Variants in POLA2 observed in about 807,000 individuals in gnomAD.
POLA2 encodes DNA polymerase alpha subunit B.
In POLA2, 47 loss-of-function variants were observed where a neutral mutation model predicts 82.8. The ratio of observed to expected loss-of-function variants is 0.57; its 90% CI spans 0.45 to 0.72. The LOEUF (loss-of-function observed/expected upper bound fraction) is 0.72. Among genes scored for constraint, POLA2 ranks in the 30% least tolerant of loss-of-function variants. The pLI, the probability that POLA2 is intolerant of heterozygous loss-of-function variation, is 0.00. For missense variants in POLA2, 634 were observed against 728.1 expected (o/e 0.87, Z 1.49); for synonymous variants, 287 against 286.8 (o/e 1.00, Z -0.01).
chr11:65,291,404 AC>A (rs1565489900), intron 13 of POLA2, among the ~76,000 whole-genome samples: 1 of 152,080 alleles, frequency 6.6e-6, no homozygotes, highest in Non-Finnish European at 1.5e-5. Flanking sequence ...CCCCCAACTC[AC>A]CCCAGAATCA....
chr11:65,302,105 A>C (rs899467278), downstream of POLA2, among the ~76,000 whole-genome samples: 1 of 151,930 alleles, frequency 6.6e-6, no homozygotes, highest in South Asian at 2.1e-4. Flanking sequence ...GCTGCCCATA[A>C]CCTTGCTGAC....
Position 65,274,675 on chromosome 11 carries a change from C to CA in POLA2, c.355-1203dup, listed in dbSNP as rs1205561135. Among the ~76,000 whole-genome samples, 399 of 92,276 alleles carry CA rather than the reference C, an allele frequency of 4.3e-3. 1 individual carries two copies. Among genetic ancestry groups the CA allele is most frequent in the South Asian group, 0.014 (45 of 3,122 alleles). 60.5% of individuals were successfully genotyped at this position (92,276 alleles called of 152,430 possible). On this transcript the variant is annotated intron_variant, in intron 4 of 17. Coordinates refer to ENST00000265465, the MANE Select transcript of POLA2 (RefSeq NM_002689.4). ...AGCGTGGGTGACAGTGACTCCATCT[C>CA]AAAAAAAAAAAAAAGATTAAAAATG...
intron 4 of POLA2, among the ~76,000 whole-genome samples, chr11:65,272,067 T>C (rs1301535226): frequency 6.6e-6 from 1 of 151,974 alleles, no homozygotes; most frequent in Non-Finnish European, 1.5e-5. Flanking sequence ...CCCAGCACTT[T>C]GGGAGGCCGA....
rs1949807158 is a variant in POLA2, at chr11:65,296,002, C to T, written c.1647+12C>T. The T allele has an allele frequency of 6.2e-7, 1 of 1,613,952 alleles. No homozygotes were observed. The highest frequency in any genetic ancestry group is 1.1e-5 in the South Asian group (1 of 91,086). ...GGTACTTCGTGAAGGTAGGTTTGAA[C>T]TCTGCTTTTTCCCAGAAACACCAGA... On this transcript the variant is annotated intron_variant, in intron 17 of 17. Coordinates refer to ENST00000265465, the MANE Select transcript of POLA2 (RefSeq NM_002689.4).
intron 4 of POLA2, among the ~76,000 whole-genome samples, chr11:65,271,564 G>A (rs1201214592): frequency 6.6e-6 from 1 of 152,112 alleles, no homozygotes; most frequent in Admixed American, 6.6e-5. Context: ...GTGAATCAAA[G>A]TTTGTGACTG....
chr11:65,286,764 A>G (rs1949701887), intron 10 of POLA2, among the ~76,000 whole-genome samples: 1 of 152,220 alleles, frequency 6.6e-6, no homozygotes, highest in South Asian at 2.1e-4. Flanking sequence ...ACACAACAGC[A>G]TGTTAAGAAG....
At chr11:65,265,668 C>T (rs945725299) in intron 1 of POLA2, among the ~76,000 whole-genome samples, 1 of 152,078 alleles carries the variant, frequency 6.6e-6, no homozygotes, top group Admixed American at 6.6e-5. Flanking sequence ...TTTATAGAAA[C>T]GGTTTCACCC....
rs780271773 is a variant in POLA2, at chr11:65,281,138, T to A, written c.891T>A (p.Phe297Leu). ...DLSELKEYSL[F>L]PGQVVIMEGI... ...CTGAGCTTAAGGAATATTCTCTGTT[T>A]CCTGGACAGGTGAGATTGGAGGAGT... Residue 297 changes from phenylalanine to leucine, a missense_variant, in exon 8 of 18, where the codon TTT becomes TTA. Transcript: ENST00000265465. The A allele has an allele frequency of 1.2e-6, 2 of 1,614,110 alleles. No individual in the cohort carries two copies. Among genetic ancestry groups the A allele is most frequent in the Admixed American group, 3.3e-5 (2 of 60,008 alleles).
rs373673074 is a variant in POLA2, at chr11:65,267,482, G to T, written c.210G>T (p.Leu70=). 4 of 1,604,546 alleles carry T rather than the reference G, an allele frequency of 2.5e-6. No individual in the cohort carries two copies. The African/African-American group carries it at 4.0e-5, about 16-fold the overall frequency. ...CACTATCTTTTCTTTTTCAGTTTCT[G>T]AGCAAAAGATTATCGAAAGCCAGGC... is the stretch of plus-strand genomic sequence containing the variant. ...EILNSFEHEF[L]SKRLSKARHS... The change falls in exon 3 of 18, where the codon CTG becomes CTT. Residue 70 remains leucine (L), a synonymous_variant. Transcript: ENST00000265465.
At chr11:65,291,407 C>G (rs569567443) in intron 13 of POLA2, among the ~76,000 whole-genome samples, 74 of 152,196 alleles carry the variant, frequency 4.9e-4, no homozygotes, top group Non-Finnish European at 9.0e-4. Context: ...CCAACTCACC[C>G]CAGAATCAGA....
chr11:65,267,483 A>G lies in POLA2; in HGVS notation c.211A>G (p.Ser71Gly), dbSNP rs140460455. ...ILNSFEHEFL[S>G]KRLSKARHST... The stretch of plus-strand genomic sequence containing the variant: ...ACTATCTTTTCTTTTTCAGTTTCTG[A>G]GCAAAAGATTATCGAAAGCCAGGCA... Residue 71 changes from serine to glycine, a missense_variant, in exon 3 of 18, where the codon AGC (serine) becomes GGC (glycine). Ser to Gly is a moderately conservative substitution (Grantham distance 56, BLOSUM62 0). Transcript: ENST00000265465. 9.2e-5 allele frequency: 147 copies of G among 1,605,976 alleles called. No homozygotes were observed. The African/African-American group carries it at 1.8e-3, about 19-fold the overall frequency.
rs1262103803 is a variant in POLA2 at position 65,262,337 on chromosome 11, C to T, written c.45C>T (p.Phe15=). The T allele has an allele frequency of 6.2e-7, 1 of 1,613,858 alleles. No individual in the cohort carries two copies. The highest frequency in any genetic ancestry group is 1.7e-5 in the Admixed American group (1 of 60,012). Residue 15 remains phenylalanine (F), a synonymous_variant, in exon 1 of 18, where the codon TTC becomes TTT. Transcript: ENST00000265465. ...AGCTGGCGGAGGAGCTGCAGATCTT[C>T]GGCCTAGACTGCGAGGAGGCTCTAA... The part of the protein sequence containing the change: ...AQQLAEELQI[F]GLDCEEALIE...
chr11:65,287,620 A>T, intron 10 of POLA2, 96 bp from the exon 11 acceptor site: 1 of 1,123,166 alleles, frequency 8.9e-7, no homozygotes, highest in Non-Finnish European at 1.3e-6. Context: ...GGACTCAATG[A>T]GTTAAATCCT....
chr11:65,297,732 G>C lies in POLA2; in HGVS notation c.*463G>C. 1 of 150,710 alleles carries C rather than the reference G, an allele frequency of 6.6e-6. No individual in the cohort carries two copies. The highest frequency in any genetic ancestry group is 1.5e-5 in the Non-Finnish European group (1 of 67,604). 9.3% of individuals were successfully genotyped at this position (150,710 alleles called of 1,614,324 possible). A position where few individuals can be genotyped will look rare whatever the true frequency, so the allele number is the denominator to read the frequency against. ...GTGGTGAGATCTCGGCTCACTGCAA[G>C]CTCTGCCGCCCGGGTTCATGCCATT... On this transcript the variant is annotated 3_prime_UTR_variant, in exon 18 of 18. Transcript: ENST00000265465.
downstream of POLA2, among the ~76,000 whole-genome samples, chr11:65,299,440 CAG>C (rs778132158): frequency 1.8e-4 from 27 of 152,268 alleles, no homozygotes; most frequent in Admixed American, 7.2e-4. Flanking sequence ...GCTGAGGGAA[CAG>C]AAGCCACTCC....
At position 65,294,266 on chromosome 11, in the gene POLA2, C is replaced by G; in HGVS notation, c.1353+5C>G. ...CTGTCTCGAGAGGACAAAAAGGTAG[C>G]AGCACCCACTCCTTGACCAGCAGGC... On this transcript the variant is annotated splice_donor_5th_base_variant and intron_variant, in intron 14 of 17. Coordinates refer to ENST00000265465, the MANE Select transcript of POLA2 (RefSeq NM_002689.4). The G allele has an allele frequency of 6.2e-7, 1 of 1,606,820 alleles. No individual in the cohort carries two copies.
chr11:65,281,978 C>T (rs1349967096), intron 9 of POLA2, among the ~76,000 whole-genome samples: 2 of 152,328 alleles, frequency 1.3e-5, no homozygotes, highest in Admixed American at 6.5e-5. Flanking sequence ...CTGCCTTTGT[C>T]TACAAAAGCA....
At chr11:65,275,275 C>T (rs188017883) in intron 4 of POLA2, among the ~76,000 whole-genome samples, 2 of 149,636 alleles carry the variant, frequency 1.3e-5, no homozygotes, top group Admixed American at 1.4e-4. Flanking sequence ...CTATTACAGT[C>T]GATTATCCTA....
chr11:65,279,501 T>C, intron 6 of POLA2, 37 bp from the exon 7 acceptor site: 1 of 1,368,350 alleles, frequency 7.3e-7, no homozygotes, highest in Non-Finnish European at 1.0e-6. Context: ...GTGAAATGTC[T>C]TAAACATAAT....
Sources: gnomAD v4.1 joint callset for allele counts (sites outside exome capture counted in the v4.1 genomes callset) on GRCh38, gnomAD v4.1.1 for gene constraint, MANE v1.5 for transcripts, NCBI Gene and HGNC (gene_info 2026-07-23, HGNC 2026-07-21) for gene names.